The following ECHDC3 variants were observed in gnomAD, a reference collection of about 807,000 sequenced individuals.
ECHDC3 encodes the protein enoyl-CoA hydratase domain containing 3.
Under a neutral mutation model 17.9 loss-of-function variants are expected in ECHDC3, and 20 were observed. The observed-to-expected ratio is 1.12, with a 90% CI of 0.79 to 1.63. ECHDC3 has a LOEUF of 1.63. ECHDC3 is among the 40% of genes most tolerant of loss of function. ECHDC3 has a pLI of 0.00. For synonymous variants in ECHDC3, 177 were observed against 149.7 expected (o/e 1.18, Z -1.33); for missense variants, 407 against 357.7 (o/e 1.14, Z -1.11).
chr10:11,761,681 G>A (rs749072154), intron 4 of ECHDC3, among the ~76,000 whole-genome samples: 7 of 152,206 alleles, frequency 4.6e-5, no homozygotes, highest in Non-Finnish European at 5.9e-5. Flanking sequence ...CACTGCACCC[G>A]GCCTCTCCGT....
intron 4 of ECHDC3, among the ~76,000 whole-genome samples, chr10:11,759,933 A>G (rs1832928940): frequency 6.6e-6 from 1 of 152,218 alleles, no homozygotes; most frequent in South Asian, 2.1e-4. Context: ...AGATGAAACA[A>G]ACTCCAAGGC....
At chr10:11,745,749 T>C (rs546573440) in intron 1 of ECHDC3, among the ~76,000 whole-genome samples, 1 of 152,304 alleles carries the variant, frequency 6.6e-6, no homozygotes, top group East Asian at 1.9e-4. Context: ...ATAGGAAACA[T>C]ATAAAATATA....
At chr10:11,746,884 G>A (rs914936609) in intron 1 of ECHDC3, among the ~76,000 whole-genome samples, 1 of 152,180 alleles carries the variant, frequency 6.6e-6, no homozygotes, top group African/African-American at 2.4e-5. Flanking sequence ...GCAGTGAGCC[G>A]AGATCTATAG....
intron 4 of ECHDC3, among the ~76,000 whole-genome samples, chr10:11,761,649 C>G (rs1832952584): frequency 1.3e-5 from 2 of 152,210 alleles, no homozygotes; most frequent in African/African-American, 4.8e-5. Flanking sequence ...CAGCTGGGCC[C>G]CCACAAGGGT....
intron 3 of ECHDC3, 126 bp downstream of exon 3, chr10:11,749,718 C>G: frequency 1.6e-6 from 1 of 633,086 alleles, no homozygotes; most frequent in Non-Finnish European, 2.6e-6. Context: ...CAACTGGAAA[C>G]TGTTTGGTCA....
intron 1 of ECHDC3, 27 bp downstream of exon 1, chr10:11,742,773 C>T: frequency 8.2e-7 from 1 of 1,224,816 alleles, no homozygotes; most frequent in Non-Finnish European, 1.0e-6. Flanking sequence ...GCGGGCTCCT[C>T]GCGTTGGTGC....
chr10:11,763,147 T>C lies in ECHDC3; in HGVS notation c.592-77T>C. 1.1e-5 allele frequency: 7 copies of C among 651,930 alleles called. No homozygotes were observed. Among genetic ancestry groups the C allele is most frequent in the South Asian group, 1.0e-4 (6 of 57,492 alleles). 40.4% of individuals were successfully genotyped at this position (651,930 alleles called of 1,614,324 possible). The stretch of plus-strand genomic sequence containing the variant: ...ACGTGGTATTTGAGGAAGCAGGTCA[T>C]TGAGCCGAGGCGGGACTCAGGTGGC... On this transcript the variant is annotated intron_variant, in intron 4 of 4. Transcript: ENST00000379215. The surrounding 1 kb of genome is among the most constrained non-coding windows in gnomAD (Gnocchi z 4.9).
chr10:11,762,755 T>C (rs2133797691), intron 4 of ECHDC3, among the ~76,000 whole-genome samples: 1 of 152,266 alleles, frequency 6.6e-6, no homozygotes, highest in African/African-American at 2.4e-5. Flanking sequence ...TCCTTGCCTC[T>C]CCGGGAGGCT....
intron 1 of ECHDC3, 83 bp downstream of exon 1, chr10:11,742,829 G>T: frequency 8.3e-7 from 1 of 1,211,306 alleles, no homozygotes; most frequent in Non-Finnish European, 1.0e-6. Context: ...AGGACCCGGG[G>T]AACCGGAGCC....
chr10:11,762,214 G>A (rs190237338), intron 4 of ECHDC3, among the ~76,000 whole-genome samples: 31 of 152,270 alleles, frequency 2.0e-4, no homozygotes, highest in Admixed American at 1.6e-3. Flanking sequence ...ATCAGGGTTC[G>A]TTTTACACTT....
At chr10:11,746,882 C>T (rs926915493) in intron 1 of ECHDC3, among the ~76,000 whole-genome samples, 2 of 152,112 alleles carry the variant, frequency 1.3e-5, no homozygotes, top group African/African-American at 4.8e-5. Flanking sequence ...TTGCAGTGAG[C>T]CGAGATCTAT....
rs768047715 is a variant in ECHDC3 at position 11,742,390 on chromosome 10, G to A, written c.-187G>A. On this transcript the variant is annotated 5_prime_UTR_variant, in exon 1 of 5. Coordinates refer to ENST00000379215, the MANE Select transcript of ECHDC3 (RefSeq NM_024693.5). Reference sequence around the variant, plus strand: ...GCGTGCCGGGGCGGGGCGTAGTACGGACTGGGCCTGGCCTGGGGCGTCCCC... The same window carrying A: ...GCGTGCCGGGGCGGGGCGTAGTACGAACTGGGCCTGGCCTGGGGCGTCCCC... 3 of 339,526 alleles carry A rather than the reference G, an allele frequency of 8.8e-6. No individual in the cohort carries two copies. Among genetic ancestry groups the A allele is most frequent in the Non-Finnish European group, 1.4e-5 (3 of 218,824 alleles). 21.0% of individuals were successfully genotyped at this position (339,526 alleles called of 1,614,324 possible). A position where few individuals can be genotyped will look rare whatever the true frequency, so the allele number is the denominator to read the frequency against.
chr10:11,745,422 C>G (rs1832749073), intron 1 of ECHDC3, among the ~76,000 whole-genome samples: 1 of 152,148 alleles, frequency 6.6e-6, no homozygotes, highest in Non-Finnish European at 1.5e-5. Flanking sequence ...AAGCAGTTCT[C>G]CCACCACCCC....
At chr10:11,759,630 C>T (rs572208750) in intron 4 of ECHDC3, among the ~76,000 whole-genome samples, 7 of 152,288 alleles carry the variant, frequency 4.6e-5, no homozygotes, top group South Asian at 2.1e-4. Context: ...AGGGGCATGA[C>T]GTGGGGAGAG....
At chr10:11,753,046 A>G (rs1191802831) in intron 3 of ECHDC3, among the ~76,000 whole-genome samples, 4 of 152,178 alleles carry the variant, frequency 2.6e-5, no homozygotes, top group Non-Finnish European at 5.9e-5. Flanking sequence ...CCTATTTCAC[A>G]TTATTTCTTA....
chr10:11,758,500 G>A (rs1026424100), intron 4 of ECHDC3, among the ~76,000 whole-genome samples: 5 of 152,226 alleles, frequency 3.3e-5, no homozygotes, highest in African/African-American at 1.2e-4. Context: ...GTTAAAGCCC[G>A]CTGCTCAAAC....
At chr10:11,759,096 G>A (rs1399155109) in intron 4 of ECHDC3, among the ~76,000 whole-genome samples, 2 of 152,218 alleles carry the variant, frequency 1.3e-5, no homozygotes, top group African/African-American at 4.8e-5. Context: ...TCTCATGCCT[G>A]TAATCCCAGC....
rs112856559 is a variant in ECHDC3 at position 11,758,425 on chromosome 10, C to T, written c.591+2817C>T. ...TCCCAGAACAGTCATTTTCTTGAGGCAGGCAGACTCTGATTTCCTAATCAG... is the reference window on the plus strand; with the variant it reads ...TCCCAGAACAGTCATTTTCTTGAGGTAGGCAGACTCTGATTTCCTAATCAG... On this transcript the variant is annotated intron_variant, in intron 4 of 4. Coordinates refer to ENST00000379215, the MANE Select transcript of ECHDC3 (RefSeq NM_024693.5). Among the ~76,000 whole-genome samples, 269 of 152,300 alleles carry T rather than the reference C, an allele frequency of 1.8e-3. 3 individuals carry two copies. The highest frequency in any genetic ancestry group is 6.4e-3 in the African/African-American group (267 of 41,576).
chr10:11,755,691 G>C, intron 4 of ECHDC3, 83 bp downstream of exon 4: 1 of 1,331,412 alleles, frequency 7.5e-7, no homozygotes, highest in South Asian at 1.3e-5. Context: ...TTCAAGATCC[G>C]CTTGTTAAAA....
Sources: gnomAD v4.1 joint callset for allele counts (sites outside exome capture counted in the v4.1 genomes callset) on GRCh38, gnomAD v4.1.1 for gene constraint, Gnocchi (gnomAD v3.1) non-coding constraint, MANE v1.5 for transcripts, NCBI Gene and HGNC (gene_info 2026-07-23, HGNC 2026-07-21) for gene names.